SYNJ2: variants seen among roughly 807,000 people sequenced by gnomAD.
SYNJ2 encodes polyphosphatidylinositol phosphatase SYNJ2.
SYNJ2 carries 116 observed loss-of-function variants against 141.3 expected under a neutral mutation model. The observed-to-expected ratio is 0.82, with a 90% CI of 0.71 to 0.96. The LOEUF (loss-of-function observed/expected upper bound fraction) is 0.96, where lower values mean the gene tolerates loss of function less well. Ranked by LOEUF, SYNJ2 falls within the 40% of genes least tolerant of loss-of-function variation. The pLI is 0.00. For missense variants in SYNJ2, 1,873 were observed against 1,934.8 expected, an observed-to-expected ratio of 0.97 and a Z score of 0.60; for synonymous variants, 745 against 777.7, an observed-to-expected ratio of 0.96 and a Z score of 0.70.
chr6:158,068,005 G>A, intron 12 of SYNJ2: 1 of 985,212 alleles, frequency 1.0e-6, no homozygotes, highest in South Asian at 4.7e-5. Context: ...TATTTTGCAG[G>A]GGATTTTTTT....
rs142642537 is a variant in SYNJ2, at chr6:158,051,979, GAAT to G, written c.796-2985_796-2983del. On this transcript the variant is annotated intron_variant, in intron 5 of 26. Coordinates refer to ENST00000355585, the MANE Select transcript of SYNJ2 (RefSeq NM_003898.4). ...TCAAAGAAAAAAAAAAGAAGAAGAA[GAAT>G]AAGAAGAAAAGAAAAGGAAACCTTC... Among the ~76,000 whole-genome samples the G allele has an allele frequency of 2.0e-4, 25 of 124,870 alleles. No individual in the cohort carries two copies. In the South Asian group the frequency reaches 3.3e-3, roughly 16 times the overall value. 81.9% of individuals were successfully genotyped at this position (124,870 alleles called of 152,430 possible). A position where few individuals can be genotyped will look rare whatever the true frequency, so the allele number is the denominator to read the frequency against.
intron 2 of SYNJ2, chr6:158,017,545 G>A: frequency 2.0e-6 from 1 of 493,504 alleles, no homozygotes; most frequent in East Asian, 4.0e-5. Context: ...CTCCTGAATA[G>A]CTGGGACTAC....
At chr6:158,053,293 T>G (rs139946748) in intron 5 of SYNJ2, among the ~76,000 whole-genome samples, 90 of 152,290 alleles carry the variant, frequency 5.9e-4, no homozygotes, top group Middle Eastern at 3.4e-3. Flanking sequence ...TGTTTTCCCT[T>G]CCAACTAATC....
At position 158,021,423 on chromosome 6, in the gene SYNJ2, T is replaced by C. The variant is rs116418133; in HGVS notation, c.214+4133T>C. Among the ~76,000 whole-genome samples, 317 of 152,344 alleles carry C rather than the reference T, an allele frequency of 2.1e-3. 1 individual carries two copies. Among genetic ancestry groups the C allele is most frequent in the African/African-American group, 7.2e-3 (299 of 41,582 alleles). Reference sequence around the variant, plus strand: ...ACATGGGCCATGCACATGGTAGCCATGAAGAGTGTGGAGTGCTCCTCCAAC... The same window carrying C: ...ACATGGGCCATGCACATGGTAGCCACGAAGAGTGTGGAGTGCTCCTCCAAC... On this transcript the variant is annotated intron_variant, in intron 2 of 26. Coordinates refer to ENST00000355585, the MANE Select transcript of SYNJ2 (RefSeq NM_003898.4).
intron 26 of SYNJ2, among the ~76,000 whole-genome samples, chr6:158,095,000 T>C (rs1010039949): frequency 6.6e-6 from 1 of 152,176 alleles, no homozygotes; most frequent in East Asian, 1.9e-4. Context: ...AATACAAAAA[T>C]TAGCCAGGCA....
At chr6:158,041,024 A>T (rs1779919846) in intron 4 of SYNJ2, among the ~76,000 whole-genome samples, 1 of 152,166 alleles carries the variant, frequency 6.6e-6, no homozygotes, top group Non-Finnish European at 1.5e-5. Flanking sequence ...GCCTCTGGGG[A>T]AGAGAAAACA....
intron 1 of SYNJ2, among the ~76,000 whole-genome samples, chr6:157,987,487 C>T (rs1226888929): frequency 2.6e-5 from 4 of 151,428 alleles, no homozygotes; most frequent in Non-Finnish European, 5.9e-5. Context: ...CTGTAACCTC[C>T]GCCTCCCAGG....
At chr6:158,056,684 C>T (rs1780888364) in intron 6 of SYNJ2, among the ~76,000 whole-genome samples, 3 of 152,242 alleles carry the variant, frequency 2.0e-5, no homozygotes, top group Admixed American at 6.5e-5. Flanking sequence ...TGTGCATTGT[C>T]CTGGGTGCTT....
In SYNJ2 at chr6:158,027,136, C is replaced by T; in HGVS notation, c.215-1620C>T. On this transcript the variant is annotated intron_variant, in intron 2 of 26. Transcript: ENST00000355585. This position sits in a 1 kb window ranked among gnomAD's most constrained non-coding sequence, Gnocchi z 4.6. Reference sequence around the variant, plus strand: ...ATGACAGCCACACGCCACCCTGCCACAAGCAGCGCTCTTCTCCCTATGAAG... The same window carrying T: ...ATGACAGCCACACGCCACCCTGCCATAAGCAGCGCTCTTCTCCCTATGAAG... 1 of 985,416 alleles carries T rather than the reference C, an allele frequency of 1.0e-6. No individual in the cohort carries two copies. The allele number at this position is 985,416 out of a possible 1,614,324, so 61.0% of individuals were successfully genotyped here.
chr6:158,054,115 A>G (rs532289918), intron 5 of SYNJ2, among the ~76,000 whole-genome samples: 87 of 150,116 alleles, frequency 5.8e-4, no homozygotes, highest in African/African-American at 2.1e-3. Context: ...TCATCTATCC[A>G]TCCACTCACC....
intron 12 of SYNJ2, chr6:158,067,600 C>T: frequency 2.0e-6 from 2 of 985,392 alleles, no homozygotes; most frequent in Non-Finnish European, 2.4e-6. Context: ...GACTCAGGAA[C>T]TTGTGGTTCA....
At chr6:157,989,471 A>ATATATATAT (rs1777333933) in intron 1 of SYNJ2, among the ~76,000 whole-genome samples, 1 of 118,880 alleles carries the variant, frequency 8.4e-6, no homozygotes, top group Non-Finnish European at 1.8e-5. Flanking sequence ...TATATATGGA[A>ATATATATAT]AAAGACTCCC....
chr6:158,011,618 C>T (rs1020562600), intron 1 of SYNJ2, among the ~76,000 whole-genome samples: 1 of 152,090 alleles, frequency 6.6e-6, no homozygotes, highest in African/African-American at 2.4e-5. Context: ...TCCCAGTGGC[C>T]GGGATGTGAA....
At chr6:157,996,254 A>G (rs988152548) in intron 1 of SYNJ2, among the ~76,000 whole-genome samples, 1 of 151,504 alleles carries the variant, frequency 6.6e-6, no homozygotes, top group Non-Finnish European at 1.5e-5. Flanking sequence ...CATCCAACCT[A>G]CCAGCCAGTA....
At chr6:158,092,186 T>G (rs1282441596) in intron 25 of SYNJ2, among the ~76,000 whole-genome samples, 1 of 152,172 alleles carries the variant, frequency 6.6e-6, no homozygotes, top group African/African-American at 2.4e-5. Context: ...CTTAACACTT[T>G]CTTGGTCATG....
In SYNJ2 at chr6:158,033,661, A is replaced by C. The variant is rs1779491134; in HGVS notation, c.692A>C (p.Asn231Thr). Residue 231 changes from asparagine (N) to threonine (T), a missense_variant, in exon 4 of 27, where the codon AAC becomes ACC. Transcript: ENST00000355585. ...RGVNDDGHVSNFVETEQMIYM... is the reference protein window; with the variant it reads ...RGVNDDGHVSTFVETEQMIYM... ...GTGAACGACGACGGCCATGTGTCCA[A>C]CTTCGTGGAGACAGAGCAGGTGAGT... 3.1e-6 allele frequency: 5 copies of C among 1,610,438 alleles called. No homozygotes were observed. The African/African-American group carries it at 5.3e-5, about 17-fold the overall frequency.
Position 158,071,759 on chromosome 6 carries a change from T to C in SYNJ2, c.2098T>C (p.Tyr700His), listed in dbSNP as rs1781941102. 1.9e-6 allele frequency: 3 copies of C among 1,613,668 alleles called. No individual in the cohort carries two copies. The highest frequency in any genetic ancestry group is 2.5e-6 in the Non-Finnish European group (3 of 1,180,032). Residue 700 changes from tyrosine to histidine, a missense_variant, in exon 15 of 27, where the codon TAC becomes CAC. Coordinates refer to ENST00000355585, the MANE Select transcript of SYNJ2 (RefSeq NM_003898.4). The surrounding 1 kb of genome is among the most constrained non-coding windows in gnomAD (Gnocchi z 4.3). ...CCAGGTGAAGGAGCGGAATGAAGAC[T>C]ACAAGGAGATCACCCAGAAACTCTG... ...QSQVKERNED[Y>H]KEITQKLCFP... is the part of the protein sequence containing the mutation.
intron 4 of SYNJ2, among the ~76,000 whole-genome samples, chr6:158,038,224 A>AGT (rs549629936): frequency 1.7e-3 from 260 of 151,882 alleles, no homozygotes; most frequent in Non-Finnish European, 3.0e-3. Flanking sequence ...TGGGCTTCCT[A>AGT]GTGTGTGTGT....
Position 158,043,186 on chromosome 6 carries a change from C to G in SYNJ2, c.712-130C>G. ...CATTGCCGGATGGGGGAGCAGAGGA[C>G]GCCGGAGTCCACCGTCCGCCCTTCA... is the stretch of plus-strand genomic sequence containing the variant. On this transcript the variant is annotated intron_variant, in intron 4 of 26. Transcript: ENST00000355585. The surrounding 1 kb of genome is among the most constrained non-coding windows in gnomAD (Gnocchi z 4.0). 1.1e-5 allele frequency: 8 copies of G among 722,452 alleles called. No homozygotes were observed. The South Asian group carries it at 1.4e-4, about 12-fold the overall frequency. The allele number at this position is 722,452 out of a possible 1,614,324, so 44.8% of individuals were successfully genotyped here.
Sources: gnomAD v4.1 joint callset for allele counts (sites outside exome capture counted in the v4.1 genomes callset) on GRCh38, gnomAD v4.1.1 for gene constraint, Gnocchi (gnomAD v3.1) non-coding constraint, MANE v1.5 for transcripts, NCBI Gene and HGNC (gene_info 2026-07-23, HGNC 2026-07-21) for gene names.